The following RGS6 variants were observed in gnomAD, a reference collection of about 807,000 sequenced individuals.
The protein encoded by RGS6 is regulator of G-protein signaling 6.
In RGS6, 30 loss-of-function variants were observed where a neutral mutation model predicts 78.5. The ratio of observed to expected loss-of-function variants is 0.38; its 90% CI spans 0.29 to 0.52. The LOEUF (loss-of-function observed/expected upper bound fraction) is 0.52. Among genes scored for constraint, RGS6 ranks in the 20% least tolerant of loss-of-function variants. The pLI, the probability that RGS6 is intolerant of heterozygous loss-of-function variation, is 0.85. For missense variants in RGS6, 495 were observed against 609.7 expected, an observed-to-expected ratio of 0.81 and a Z score of 1.98; for synonymous variants, 206 against 206.0, an observed-to-expected ratio of 1.00 and a Z score of 0.00.
At chr14:72,125,830 A>T (rs942614774) in intron 2 of RGS6, among the ~76,000 whole-genome samples, 6 of 152,192 alleles carry the variant, frequency 3.9e-5, no homozygotes, top group Admixed American at 2.0e-4. Context: ...ACAGACATTC[A>T]TACAGGCCTA....
intron 2 of RGS6, among the ~76,000 whole-genome samples, chr14:72,305,827 C>T (rs1326268627): frequency 1.3e-5 from 2 of 152,188 alleles, no homozygotes; most frequent in African/African-American, 4.8e-5. Flanking sequence ...CTAGAAATGA[C>T]TAAGCTTGGT....
chr14:72,031,183 A>C (rs972621534), intron 2 of RGS6, among the ~76,000 whole-genome samples: 1 of 152,094 alleles, frequency 6.6e-6, no homozygotes, highest in Non-Finnish European at 1.5e-5. Flanking sequence ...GAAAATATTA[A>C]ATGATAGAAT....
chr14:72,303,793 A>G (rs551453255), intron 2 of RGS6, among the ~76,000 whole-genome samples: 20 of 152,270 alleles, frequency 1.3e-4, no homozygotes, highest in African/African-American at 4.8e-4. Flanking sequence ...TCCATATGCT[A>G]CTTTCATCTA....
intron 3 of RGS6, among the ~76,000 whole-genome samples, chr14:72,398,388 A>G (rs551972760): frequency 2.6e-4 from 40 of 152,234 alleles, no homozygotes; most frequent in African/African-American, 7.5e-4. Context: ...CTGTGGGATC[A>G]GTGGTGATAT....
At position 71,998,294 on chromosome 14, in the gene RGS6, C is replaced by T. The variant is rs531934155; in HGVS notation, c.84+33419C>T. ...TGAGTGAGCAGAGGGATGACTTTGACTAGAATGGGAGGCAGGCTTGCCCTA... is the reference window on the plus strand; with the variant it reads ...TGAGTGAGCAGAGGGATGACTTTGATTAGAATGGGAGGCAGGCTTGCCCTA... On this transcript the variant is annotated intron_variant, in intron 2 of 17. Transcript: ENST00000553525. 1.6e-4 allele frequency among the ~76,000 whole-genome samples: 24 copies of T among 152,242 alleles called. No individual in the cohort carries two copies. The South Asian group carries it at 2.3e-3, about 14-fold the overall frequency.
chr14:72,258,505 C>G (rs1168007546), intron 2 of RGS6, among the ~76,000 whole-genome samples: 1 of 152,196 alleles, frequency 6.6e-6, no homozygotes, highest in Non-Finnish European at 1.5e-5. Flanking sequence ...GTGACACTCT[C>G]TAGCTTCTAT....
intron 3 of RGS6, among the ~76,000 whole-genome samples, chr14:72,405,254 A>G (rs1262793440): frequency 3.3e-5 from 5 of 152,130 alleles, no homozygotes; most frequent in Non-Finnish European, 7.4e-5. Context: ...GTAATTTGTG[A>G]GAGAGCCTGG....
intron 2 of RGS6, among the ~76,000 whole-genome samples, chr14:72,091,003 T>TAA (rs201387476): frequency 2.8e-5 from 1 of 35,094 alleles, no homozygotes; most frequent in South Asian, 6.3e-4. Context: ...TTCCACTAAA[T>TAA]AACCCTCTTT....
intron 2 of RGS6, among the ~76,000 whole-genome samples, chr14:72,269,567 ATTTTT>A (rs56171281): frequency 0.012 from 1,430 of 120,366 alleles, 93 homozygotes; most frequent in Middle Eastern, 0.036. Context: ...CCTATCTTAA[ATTTTT>A]TTTTTTTTTT....
At chr14:72,107,852 A>C (rs2095666313) in intron 2 of RGS6, among the ~76,000 whole-genome samples, 1 of 152,024 alleles carries the variant, frequency 6.6e-6, no homozygotes, top group Non-Finnish European at 1.5e-5. Flanking sequence ...CACATTACAC[A>C]CACAATATTA....
chr14:72,362,097 A>T (rs542432661), intron 3 of RGS6, among the ~76,000 whole-genome samples: 1 of 152,322 alleles, frequency 6.6e-6, no homozygotes, highest in African/African-American at 2.4e-5. Context: ...TTGAGTAATA[A>T]ATGCCTGCTG....
intron 2 of RGS6, among the ~76,000 whole-genome samples, chr14:72,218,113 C>T (rs1435114944): frequency 2.0e-5 from 3 of 152,110 alleles, no homozygotes; most frequent in Non-Finnish European, 4.4e-5. Flanking sequence ...CATAGGTGAA[C>T]ATTCAGGTTG....
intron 2 of RGS6, among the ~76,000 whole-genome samples, chr14:71,989,612 G>T (rs531889937): frequency 6.6e-6 from 1 of 152,310 alleles, no homozygotes; most frequent in South Asian, 2.1e-4. Flanking sequence ...AGCTTTTAGT[G>T]GCAGAGCCAG....
chr14:71,939,497 T>C (rs961601870), intron 1 of RGS6, among the ~76,000 whole-genome samples: 1 of 152,106 alleles, frequency 6.6e-6, no homozygotes, highest in Non-Finnish European at 1.5e-5. Flanking sequence ...AGCCAGAGAG[T>C]TGATATACCC....
the RGS6 span, among the ~76,000 whole-genome samples, chr14:71,916,422 A>G: frequency 6.6e-6 from 1 of 151,440 alleles, no homozygotes; most frequent in Non-Finnish European, 1.5e-5. Flanking sequence ...CCCTCAAGAA[A>G]TTTTGGTAAA....
At chr14:71,889,039 A>G in the RGS6 span, among the ~76,000 whole-genome samples, 5 of 152,176 alleles carry the variant, frequency 3.3e-5, no homozygotes, top group Non-Finnish European at 7.3e-5. Context: ...TGATATTGTC[A>G]TGGCCTTCCA....
At chr14:72,254,882 C>T (rs745583961) in intron 2 of RGS6, among the ~76,000 whole-genome samples, 8 of 152,204 alleles carry the variant, frequency 5.3e-5, no homozygotes, top group Non-Finnish European at 1.2e-4. Flanking sequence ...CTACCAACAC[C>T]TACAGTTAGT....
At chr14:72,393,781 A>T (rs1481834720) in intron 3 of RGS6, among the ~76,000 whole-genome samples, 1 of 152,182 alleles carries the variant, frequency 6.6e-6, no homozygotes. Context: ...CTTTCAGTTT[A>T]CCTTGCCCAT....
chr14:72,510,999 G>A (rs1178163199), intron 14 of RGS6, among the ~76,000 whole-genome samples: 2 of 152,160 alleles, frequency 1.3e-5, no homozygotes, highest in African/African-American at 2.4e-5. Flanking sequence ...AGAAAAGGGG[G>A]TGAATTGAAA....
Sources: gnomAD v4.1 joint callset for allele counts (sites outside exome capture counted in the v4.1 genomes callset) on GRCh38, gnomAD v4.1.1 for gene constraint, MANE v1.5 for transcripts, NCBI Gene and HGNC (gene_info 2026-07-23, HGNC 2026-07-21) for gene names.